Variants in KCMF1 observed in about 807,000 individuals in gnomAD.
The protein encoded by KCMF1 is potassium channel modulatory factor 1.
In KCMF1, 3 loss-of-function variants were observed where a neutral mutation model predicts 41.1. That is an observed-to-expected ratio of 0.07 (90% CI 0.03 to 0.19). KCMF1 has a LOEUF of 0.19. Ranked by LOEUF, KCMF1 falls within the 10% of genes least tolerant of loss-of-function variation. KCMF1 has a pLI of 1.00. For missense variants in KCMF1, 286 were observed against 488.9 expected (o/e 0.58, Z 3.91); for synonymous variants, 142 against 164.5 (o/e 0.86, Z 1.04).
chr2:85,001,361 G>T (rs1674325025), intron 1 of KCMF1, among the ~76,000 whole-genome samples: 1 of 151,590 alleles, frequency 6.6e-6, no homozygotes, highest in Admixed American at 6.6e-5. Context: ...GTCTCACCAT[G>T]TTGGCCAGGC....
intron 1 of KCMF1, among the ~76,000 whole-genome samples, chr2:85,002,384 C>G (rs538959627): frequency 1.3e-5 from 2 of 152,328 alleles, no homozygotes; most frequent in African/African-American, 4.8e-5. Flanking sequence ...ATCCTTTGAA[C>G]CACCTGCCTC....
intron 1 of KCMF1, among the ~76,000 whole-genome samples, chr2:84,977,879 A>T (rs1198289987): frequency 1.3e-5 from 2 of 152,120 alleles, no homozygotes; most frequent in Non-Finnish European, 2.9e-5. Context: ...TCATTTTCCC[A>T]TATTTTTATA....
rs1433629748 is a variant in KCMF1 at position 85,058,921 on chromosome 2, GCT to G, written c.*5520_*5521del. The G allele has an allele frequency of 1.3e-5, 2 of 152,114 alleles. No individual in the cohort carries two copies. The highest frequency in any genetic ancestry group is 4.1e-4 in the South Asian group (2 of 4,820). The allele number at this position is 152,114 out of a possible 1,614,324, so 9.4% of individuals were successfully genotyped here. A position where few individuals can be genotyped will look rare whatever the true frequency, so the allele number is the denominator to read the frequency against. ...CTTCTGTAAGCTGGATGGAGTCCCA[GCT>G]CTCTCTCCTTGTATATAAGGAGACC... On this transcript the variant is annotated 3_prime_UTR_variant, in exon 7 of 7. Transcript: ENST00000409785.
rs997124669 is a variant in KCMF1, at chr2:84,977,439, G to A, written c.16+5972G>A. 3.9e-5 allele frequency among the ~76,000 whole-genome samples: 6 copies of A among 152,132 alleles called. No individual in the cohort carries two copies. In the East Asian group the frequency reaches 5.8e-4, roughly 15 times the overall value. On this transcript the variant is annotated intron_variant, in intron 1 of 6. Coordinates refer to ENST00000409785, the MANE Select transcript of KCMF1 (RefSeq NM_020122.5). The stretch of plus-strand genomic sequence containing the variant: ...GACATTCTTAAGACTTTTTCAGTTC[G>A]TTTTTTGTTTTTGAGACAGGGTCTC...
In KCMF1 at chr2:85,054,196, T is replaced by C. The variant is rs973789716; in HGVS notation, c.*787T>C. The C allele has an allele frequency of 6.6e-6, 1 of 152,254 alleles. No homozygotes were observed. The highest frequency in any genetic ancestry group is 6.5e-5 in the Admixed American group (1 of 15,286). 9.4% of individuals were successfully genotyped at this position (152,254 alleles called of 1,614,324 possible). ...CATGTTTGTTTAAAGTTTTTACTTT[T>C]TGTGGTTGTTTAAAATTTTTTCAAT... is the stretch of plus-strand genomic sequence containing the variant. On this transcript the variant is annotated 3_prime_UTR_variant, in exon 7 of 7. Coordinates refer to ENST00000409785, the MANE Select transcript of KCMF1 (RefSeq NM_020122.5).
At position 84,971,479 on chromosome 2, in the gene KCMF1, CCCCGCCCCCA is replaced by C. The variant is rs1673390647; in HGVS notation, c.16+18_16+27del. ...GTCCCGACATGAAGGTGAGAGGAGC[CCCCGCCCCCA>C]CCCGCACCTCCCGGGCCTCGGCCTA... On this transcript the variant is annotated intron_variant, in intron 1 of 6. Transcript: ENST00000409785. 8.7e-6 allele frequency: 11 copies of C among 1,262,180 alleles called. No homozygotes were observed. Among genetic ancestry groups the C allele is most frequent in the African/African-American group, 1.6e-5 (1 of 63,180 alleles). The allele number at this position is 1,262,180 out of a possible 1,614,324, so 78.2% of individuals were successfully genotyped here.
chr2:84,998,623 CAG>C (rs1185054165), intron 1 of KCMF1, among the ~76,000 whole-genome samples: 1 of 151,458 alleles, frequency 6.6e-6, no homozygotes, highest in African/African-American at 2.4e-5. Flanking sequence ...TTATTTGAGA[CAG>C]AGTCTTGCTC....
chr2:85,018,564 C>T (rs1284275981), intron 1 of KCMF1, among the ~76,000 whole-genome samples: 1 of 152,018 alleles, frequency 6.6e-6, no homozygotes, highest in African/African-American at 2.4e-5. Flanking sequence ...GCCACTGCAC[C>T]CAGCCATGAC....
At chr2:85,049,789 C>T (rs187389216) in intron 6 of KCMF1, 141 bp downstream of exon 6, 47 of 684,318 alleles carry the variant, frequency 6.9e-5, no homozygotes, top group Admixed American at 3.2e-4. Flanking sequence ...CTGATTAAAA[C>T]GCATATTCAG....
intron 5 of KCMF1, among the ~76,000 whole-genome samples, chr2:85,047,377 C>G (rs1675694350): frequency 6.6e-6 from 1 of 152,150 alleles, no homozygotes; most frequent in South Asian, 2.1e-4. Flanking sequence ...TTATGCCTAT[C>G]TCAGATGTTG....
chr2:85,008,505 TTTCAG>T (rs1472619999), intron 1 of KCMF1, among the ~76,000 whole-genome samples: 1 of 145,998 alleles, frequency 6.8e-6, no homozygotes, highest in Non-Finnish European at 1.5e-5. Flanking sequence ...TTTAGCAGCA[TTTCAG>T]CACTACACTT....
At chr2:84,991,955 A>G (rs1377769696) in intron 1 of KCMF1, among the ~76,000 whole-genome samples, 6 of 152,206 alleles carry the variant, frequency 3.9e-5, no homozygotes, top group East Asian at 1.9e-4. Context: ...GAGAGAATTT[A>G]TTAGTTCATC....
At position 85,057,805 on chromosome 2, in the gene KCMF1, G is replaced by C. The variant is rs1675970203; in HGVS notation, c.*4396G>C. The C allele has an allele frequency of 6.6e-6, 1 of 152,196 alleles. No homozygotes were observed. Among genetic ancestry groups the C allele is most frequent in the African/African-American group, 2.4e-5 (1 of 41,458 alleles). 9.4% of individuals were successfully genotyped at this position (152,196 alleles called of 1,614,324 possible). A position where few individuals can be genotyped will look rare whatever the true frequency, so the allele number is the denominator to read the frequency against. ...TGTTGCCACTTCCTCAACTTGGTTA[G>C]CAAATTCAAGTTTTGAAAGACGATT... On this transcript the variant is annotated 3_prime_UTR_variant, in exon 7 of 7. Transcript: ENST00000409785.
chr2:85,018,107 A>T (rs1281514505), intron 1 of KCMF1, among the ~76,000 whole-genome samples: 1 of 152,140 alleles, frequency 6.6e-6, no homozygotes, highest in Non-Finnish European at 1.5e-5. Flanking sequence ...AAGGGGTTAA[A>T]CTGTATGTCC....
chr2:85,040,737 A>C (rs773955193), intron 3 of KCMF1, among the ~76,000 whole-genome samples: 2 of 151,898 alleles, frequency 1.3e-5, no homozygotes, highest in Non-Finnish European at 2.9e-5. Context: ...CTTGGTTCTA[A>C]ATCTAGCCTC....
rs913370555 is a variant in KCMF1 at position 84,971,393 on chromosome 2, C to T, written c.-59C>T. ...GCCGGCGCGGGCAGCGCCGGGACCC[C>T]GCGGGGGACACTGCAGCCGGAGCCC... On this transcript the variant is annotated 5_prime_UTR_variant, in exon 1 of 7. Coordinates refer to ENST00000409785, the MANE Select transcript of KCMF1 (RefSeq NM_020122.5). 6.7e-4 allele frequency: 746 copies of T among 1,121,290 alleles called. No homozygotes were observed. Among genetic ancestry groups the T allele is most frequent in the Non-Finnish European group, 7.6e-4 (696 of 911,054 alleles). 69.5% of individuals were successfully genotyped at this position (1,121,290 alleles called of 1,614,324 possible). A position where few individuals can be genotyped will look rare whatever the true frequency, so the allele number is the denominator to read the frequency against.
chr2:85,055,149 T>G lies in KCMF1; in HGVS notation c.*1740T>G, dbSNP rs535810130. 2 of 152,366 alleles carry G rather than the reference T, an allele frequency of 1.3e-5. No individual in the cohort carries two copies. Among genetic ancestry groups the G allele is most frequent in the East Asian group, 1.9e-4 (1 of 5,192 alleles). 9.4% of individuals were successfully genotyped at this position (152,366 alleles called of 1,614,324 possible). Reference sequence around the variant, plus strand: ...GGATTTTCATTTTTTTTCATTTGGTTGTTGAGAAGTTTCAAAAATCAGTTT... The same window carrying G: ...GGATTTTCATTTTTTTTCATTTGGTGGTTGAGAAGTTTCAAAAATCAGTTT... On this transcript the variant is annotated 3_prime_UTR_variant, in exon 7 of 7. Transcript: ENST00000409785.
At chr2:85,049,758 T>TTGATTAAAACTCACAGATCTC in intron 6 of KCMF1, 110 bp downstream of exon 6, 1 of 914,768 alleles carries the variant, frequency 1.1e-6, no homozygotes, top group Non-Finnish European at 1.6e-6. Flanking sequence ...AATTTTGTGT[T>TTGATTAAAACTCACAGATCTC]TGATTAAAAC....
intron 1 of KCMF1, 97 bp from the exon 2 acceptor site, chr2:85,027,792 G>C: frequency 1.4e-6 from 1 of 699,812 alleles, no homozygotes; most frequent in Non-Finnish European, 2.4e-6. Context: ...TTTTGGAAAG[G>C]ACATATGAGG....
Sources: gnomAD v4.1 joint callset for allele counts (sites outside exome capture counted in the v4.1 genomes callset) on GRCh38, gnomAD v4.1.1 for gene constraint, MANE v1.5 for transcripts, NCBI Gene and HGNC (gene_info 2026-07-23, HGNC 2026-07-21) for gene names.